Variants in IMPG1 observed in about 807,000 individuals in gnomAD.
IMPG1 encodes the protein interphotoreceptor matrix proteoglycan 1, also known as interphotoreceptor matrix proteoglycan of 150 kDa.
In IMPG1, 85 loss-of-function variants were observed where a neutral mutation model predicts 92.0. That is an observed-to-expected ratio of 0.92 (90% CI 0.78 to 1.11). The LOEUF (loss-of-function observed/expected upper bound fraction) is 1.11, where lower values mean the gene tolerates loss of function less well. Ranked by LOEUF, IMPG1 falls within the 50% of genes least tolerant of loss-of-function variation. The pLI is 0.00. For synonymous variants in IMPG1, 367 were observed against 334.1 expected, an observed-to-expected ratio of 1.10 and a Z score of -1.08; for missense variants, 1,022 against 956.0, an observed-to-expected ratio of 1.07 and a Z score of -0.91.
chr6:76,067,022 T>A (rs1784321134), intron 1 of IMPG1, among the ~76,000 whole-genome samples: 1 of 151,814 alleles, frequency 6.6e-6, no homozygotes, highest in South Asian at 2.1e-4. Context: ...ACAACATACC[T>A]CTGGGATACA....
chr6:75,940,637 G>T (rs1458480238), intron 14 of IMPG1, among the ~76,000 whole-genome samples: 2 of 152,088 alleles, frequency 1.3e-5, no homozygotes, highest in Non-Finnish European at 2.9e-5. Context: ...GGAAACAAAA[G>T]AAAAAGAAAA....
intron 5 of IMPG1, 44 bp downstream of exon 5, chr6:76,025,150 T>C (rs749525542): frequency 1.5e-5 from 16 of 1,103,444 alleles, no homozygotes; most frequent in Non-Finnish European, 2.1e-5. Context: ...ATCATGATGA[T>C]TTGAATGAAA....
At chr6:76,047,056 A>C (rs183613975) in intron 1 of IMPG1, among the ~76,000 whole-genome samples, 79 of 152,342 alleles carry the variant, frequency 5.2e-4, no homozygotes, top group African/African-American at 1.8e-3. Context: ...TTTTCTTAAT[A>C]TGTCATGGGT....
chr6:76,053,508 G>A (rs1784075776), intron 1 of IMPG1, among the ~76,000 whole-genome samples: 1 of 152,182 alleles, frequency 6.6e-6, no homozygotes, highest in Admixed American at 6.5e-5. Context: ...GAGGTGTACT[G>A]AGGAAATATT....
intron 12 of IMPG1, among the ~76,000 whole-genome samples, chr6:75,964,129 C>G (rs914102860): frequency 3.3e-5 from 5 of 152,102 alleles, no homozygotes; most frequent in African/African-American, 7.2e-5. Flanking sequence ...ATGCATGCTC[C>G]GTAAGGACCT....
At chr6:76,034,861 A>T in intron 2 of IMPG1, 74 bp from the exon 3 acceptor site, 1 of 1,261,152 alleles carries the variant, frequency 7.9e-7, no homozygotes, top group Non-Finnish European at 1.1e-6. Flanking sequence ...GTCTAATAAC[A>T]TGGAAAATTA....
Position 75,921,736 on chromosome 6 carries a change from C to G in IMPG1, c.*353G>C, listed in dbSNP as rs1781433708. On this transcript the variant is annotated 3_prime_UTR_variant, in exon 17 of 17. Transcript: ENST00000369950. ...TTGCTTCCCAATAAATTGTTCAGTCCCTAAACAATAAGTAAGCTATGCTTG... is the reference window on the plus strand; with the variant it reads ...TTGCTTCCCAATAAATTGTTCAGTCGCTAAACAATAAGTAAGCTATGCTTG... 1.3e-5 allele frequency: 3 copies of G among 225,160 alleles called. No individual in the cohort carries two copies. The highest frequency in any genetic ancestry group is 1.7e-5 in the Non-Finnish European group (2 of 114,556). 13.9% of individuals were successfully genotyped at this position (225,160 alleles called of 1,614,324 possible).
chr6:75,964,943 A>G (rs1188609393), intron 12 of IMPG1, among the ~76,000 whole-genome samples: 1 of 152,122 alleles, frequency 6.6e-6, no homozygotes, highest in African/African-American at 2.4e-5. Flanking sequence ...CATTTCAAGG[A>G]TGTTATATAA....
rs148572714 is a variant in IMPG1 at position 76,070,218 on chromosome 6, T to A, written c.67+2204A>T. On this transcript the variant is annotated intron_variant, in intron 1 of 16. Transcript: ENST00000369950. ...GAGACATACAAATGGCCAACAAACA[T>A]ATGAAAGAAAGCTCAATGTCACTAA... 7.3e-3 allele frequency among the ~76,000 whole-genome samples: 1,108 copies of A among 152,240 alleles called. 11 individuals carry two copies. Among genetic ancestry groups the A allele is most frequent in the African/African-American group, 0.025 (1,038 of 41,530 alleles).
chr6:76,005,482 C>CT lies in IMPG1; in HGVS notation c.939dup (p.Glu314ArgfsTer8). 6.2e-7 allele frequency: 1 copy of CT among 1,613,988 alleles called. No individual in the cohort carries two copies. The highest frequency in any genetic ancestry group is 8.5e-7 in the Non-Finnish European group (1 of 1,179,940). ...AGGTCACTTGCAGGGCTTTTTGCTT[C>CT]TGCACTGTGTCTCTTAAAGATGGCC... On this transcript the variant is annotated frameshift_variant, in exon 10 of 17. Coordinates refer to ENST00000369950, the MANE Select transcript of IMPG1 (RefSeq NM_001563.4). LOFTEE classifies it high-confidence loss of function.
At chr6:75,940,489 A>G (rs887264318) in intron 14 of IMPG1, among the ~76,000 whole-genome samples, 1 of 152,206 alleles carries the variant, frequency 6.6e-6, no homozygotes, top group Non-Finnish European at 1.5e-5. Context: ...CCAAACTTGC[A>G]GTATTGTATG....
At chr6:75,946,774 CT>C (rs980542669) in intron 14 of IMPG1, among the ~76,000 whole-genome samples, 2 of 151,220 alleles carry the variant, frequency 1.3e-5, no homozygotes, top group African/African-American at 4.9e-5. Flanking sequence ...TTATTTTCTT[CT>C]TTTTTTTTGT....
chr6:75,990,642 C>A (rs192728593), intron 12 of IMPG1, among the ~76,000 whole-genome samples: 1 of 151,096 alleles, frequency 6.6e-6, no homozygotes, highest in Non-Finnish European at 1.5e-5. Context: ...CATTTTCCTG[C>A]CTTTTACATA....
intron 12 of IMPG1, among the ~76,000 whole-genome samples, chr6:75,998,310 G>T (rs1020927074): frequency 6.6e-6 from 1 of 152,186 alleles, no homozygotes; most frequent in Admixed American, 6.5e-5. Flanking sequence ...CATCTGGCTG[G>T]ACACTGCCAA....
chr6:75,996,786 C>T (rs1365728063), intron 12 of IMPG1, among the ~76,000 whole-genome samples: 2 of 152,136 alleles, frequency 1.3e-5, no homozygotes, highest in Admixed American at 6.5e-5. Context: ...TCCTTATCAC[C>T]TCAACCCACA....
At chr6:75,995,647 AC>A (rs1403953622) in intron 12 of IMPG1, among the ~76,000 whole-genome samples, 1 of 152,254 alleles carries the variant, frequency 6.6e-6, no homozygotes, top group Non-Finnish European at 1.5e-5. Flanking sequence ...AAATTGTGTT[AC>A]ATATCCTCTG....
chr6:76,016,532 T>C (rs1392631118), intron 7 of IMPG1, among the ~76,000 whole-genome samples: 1 of 152,276 alleles, frequency 6.6e-6, no homozygotes, highest in Non-Finnish European at 1.5e-5. Context: ...TTGACATTTA[T>C]AGAAATAATT....
chr6:75,924,695 TAATTA>T (rs1781512825), intron 15 of IMPG1, among the ~76,000 whole-genome samples: 1 of 2,136 alleles, frequency 4.7e-4, no homozygotes, highest in African/African-American at 1.1e-3. Context: ...TATATATAAA[TAATTA>T]TATATAATAT....
At chr6:75,969,504 G>T (rs1782366191) in intron 12 of IMPG1, among the ~76,000 whole-genome samples, 1 of 152,112 alleles carries the variant, frequency 6.6e-6, no homozygotes, top group South Asian at 2.1e-4. Context: ...CACTTTGAGA[G>T]GCTGAGGTGG....
Sources: gnomAD v4.1 joint callset for allele counts (sites outside exome capture counted in the v4.1 genomes callset) on GRCh38, gnomAD v4.1.1 for gene constraint, MANE v1.5 for transcripts, NCBI Gene and HGNC (gene_info 2026-07-23, HGNC 2026-07-21) for gene names.